Variants in YES1 observed in about 807,000 individuals in gnomAD.
YES1 encodes tyrosine-protein kinase Yes.
Under a neutral mutation model 70.4 loss-of-function variants are expected in YES1, and 39 were observed. The ratio of observed to expected loss-of-function variants is 0.55; its 90% CI spans 0.43 to 0.72. The LOEUF (loss-of-function observed/expected upper bound fraction) is 0.72. Among genes scored for constraint, YES1 ranks in the 30% least tolerant of loss-of-function variants. YES1 has a pLI of 0.00. For missense variants in YES1, 495 were observed against 644.8 expected, an observed-to-expected ratio of 0.77 and a Z score of 2.52; for synonymous variants, 198 against 218.6, an observed-to-expected ratio of 0.91 and a Z score of 0.83.
rs560024215 is a variant in YES1 at position 733,065 on chromosome 18, A to G, written c.1292-100T>C. On this transcript the variant is annotated intron_variant, in intron 10 of 11. Coordinates refer to ENST00000314574, the MANE Select transcript of YES1 (RefSeq NM_005433.4). ...AATGTTCTGTCAATATCTCTACTGT[A>G]GTCATCAGTGTCAATTCTTTAAATG... The G allele has an allele frequency of 5.6e-5, 64 of 1,146,364 alleles. No individual in the cohort carries two copies. The South Asian group carries it at 7.6e-4, about 14-fold the overall frequency. The allele number at this position is 1,146,364 out of a possible 1,614,324, so 71.0% of individuals were successfully genotyped here. A position where few individuals can be genotyped will look rare whatever the true frequency, so the allele number is the denominator to read the frequency against.
rs2080407627 is a variant in YES1 at position 756,490 on chromosome 18, C to T, written c.271+67G>A. The T allele has an allele frequency of 3.8e-6, 6 of 1,570,080 alleles. No individual in the cohort carries two copies. In the African/African-American group the frequency reaches 4.1e-5, roughly 11 times the overall value. On this transcript the variant is annotated intron_variant, in intron 2 of 11. Transcript: ENST00000314574. ...GATATCTTTCTTAAAGGCAGACAAG[C>T]CTTAAGTATATATTACCCAAGGTGA... is the stretch of plus-strand genomic sequence containing the variant.
intron 1 of YES1, among the ~76,000 whole-genome samples, chr18:804,913 C>CAAAAAAGAA (rs1907016547): frequency 1.1e-5 from 1 of 94,126 alleles, no homozygotes; most frequent in Non-Finnish European, 1.9e-5. Context: ...GACTCTGACT[C>CAAAAAAGAA]AAAAAAAAAA....
chr18:728,046 C>T (rs1039346771), intron 11 of YES1, among the ~76,000 whole-genome samples: 1 of 152,122 alleles, frequency 6.6e-6, no homozygotes, highest in African/African-American at 2.4e-5. Context: ...ACACAAAATA[C>T]ATTTATGAGC....
intron 1 of YES1, among the ~76,000 whole-genome samples, chr18:783,424 T>G (rs1014872414): frequency 6.6e-6 from 1 of 151,576 alleles, no homozygotes; most frequent in African/African-American, 2.4e-5. Context: ...GAAAAAATAA[T>G]CACATAACCT....
intron 1 of YES1, among the ~76,000 whole-genome samples, chr18:757,269 C>T (rs924683010): frequency 5.9e-5 from 9 of 152,082 alleles, no homozygotes; most frequent in Non-Finnish European, 1.0e-4. Context: ...TTTGGGAGGC[C>T]AAGGCGGGCG....
At chr18:771,575 G>A (rs572384169) in intron 1 of YES1, among the ~76,000 whole-genome samples, 1 of 152,146 alleles carries the variant, frequency 6.6e-6, no homozygotes, top group East Asian at 1.9e-4. Flanking sequence ...TTGTGATGGG[G>A]TTTCACTTTG....
At chr18:778,618 T>C (rs1198777793) in intron 1 of YES1, among the ~76,000 whole-genome samples, 1 of 152,216 alleles carries the variant, frequency 6.6e-6, no homozygotes, top group Non-Finnish European at 1.5e-5. Context: ...ATGGCTCCAA[T>C]TTACATACAA....
chr18:744,689 CTT>C (rs71174284), intron 6 of YES1, among the ~76,000 whole-genome samples: 20 of 56,868 alleles, frequency 3.5e-4, no homozygotes, highest in African/African-American at 1.1e-3. Context: ...CACGCCTGGC[CTT>C]TTTTTTTTTT....
chr18:791,495 C>G (rs886660845), intron 1 of YES1, among the ~76,000 whole-genome samples: 9 of 152,122 alleles, frequency 5.9e-5, no homozygotes, highest in Non-Finnish European at 8.8e-5. Context: ...AACTAAGGCA[C>G]ACAGAATAGG....
intron 2 of YES1, among the ~76,000 whole-genome samples, chr18:753,605 C>A (rs892429925): frequency 2.6e-5 from 4 of 152,116 alleles, no homozygotes; most frequent in Admixed American, 6.5e-5. Flanking sequence ...CCTGCCTCAG[C>A]GTCCTGAGTA....
intron 1 of YES1, among the ~76,000 whole-genome samples, chr18:798,585 C>G (rs1906659605): frequency 6.6e-6 from 1 of 152,160 alleles, no homozygotes; most frequent in African/African-American, 2.4e-5. Context: ...TTTCTACCTG[C>G]TACTACCACC....
intron 11 of YES1, among the ~76,000 whole-genome samples, chr18:725,035 T>C (rs2080001007): frequency 6.6e-6 from 1 of 152,228 alleles, no homozygotes; most frequent in African/African-American, 2.4e-5. Flanking sequence ...CAGAAGAAAG[T>C]TCTAGTCTTG....
intron 1 of YES1, among the ~76,000 whole-genome samples, chr18:809,411 T>A (rs1907259955): frequency 6.6e-6 from 1 of 152,146 alleles, no homozygotes; most frequent in African/African-American, 2.4e-5. Flanking sequence ...GCGATTCTCG[T>A]GCCTCAGCCT....
rs56260033 is a variant in YES1 at position 751,064 on chromosome 18, C to A, written c.371+641G>T. On this transcript the variant is annotated intron_variant, in intron 3 of 11. Coordinates refer to ENST00000314574, the MANE Select transcript of YES1 (RefSeq NM_005433.4). ...ATATTTTAAAAGTAGAAGGATATGA[C>A]CATATTTTATGTTCCGGAACAATAA... Among the ~76,000 whole-genome samples, 347 of 152,118 alleles carry A rather than the reference C, an allele frequency of 2.3e-3. 2 individuals carry two copies. The highest frequency in any genetic ancestry group is 7.9e-3 in the African/African-American group (328 of 41,478).
intron 1 of YES1, among the ~76,000 whole-genome samples, chr18:770,448 T>G: frequency 6.6e-6 from 1 of 152,162 alleles, no homozygotes; most frequent in Non-Finnish European, 1.5e-5. Flanking sequence ...TTTACAGTTT[T>G]ACTCCATGTA....
At chr18:774,800 C>G (rs941954068) in intron 1 of YES1, among the ~76,000 whole-genome samples, 4 of 152,162 alleles carry the variant, frequency 2.6e-5, no homozygotes, top group Non-Finnish European at 5.9e-5. Context: ...CTGCCATAAT[C>G]CACCCAAAGA....
At chr18:744,689 C>CT (rs71174284) in intron 6 of YES1, among the ~76,000 whole-genome samples, 6,827 of 56,786 alleles carry the variant, frequency 0.12, 1,914 homozygotes, top group East Asian at 0.26. Flanking sequence ...CACGCCTGGC[C>CT]TTTTTTTTTT....
At position 721,848 on chromosome 18, in the gene YES1, G is replaced by T. The variant is rs530753498; in HGVS notation, c.*2576C>A. 5.6e-4 allele frequency: 86 copies of T among 152,722 alleles called. No individual in the cohort carries two copies. Among genetic ancestry groups the T allele is most frequent in the African/African-American group, 1.8e-3 (74 of 41,564 alleles). The allele number at this position is 152,722 out of a possible 1,614,324, so 9.5% of individuals were successfully genotyped here. A position where few individuals can be genotyped will look rare whatever the true frequency, so the allele number is the denominator to read the frequency against. ...AGGCTACCATTATTCATTTAAAAAA[G>T]TGTGCTAGAAGGCTGTTTTTGCCAA... On this transcript the variant is annotated 3_prime_UTR_variant, in exon 12 of 12. Transcript: ENST00000314574.
chr18:767,008 TTA>T (rs1423783866), intron 1 of YES1, among the ~76,000 whole-genome samples: 1 of 152,198 alleles, frequency 6.6e-6, no homozygotes, highest in Non-Finnish European at 1.5e-5. Context: ...GGTTTATGTT[TTA>T]TGTGTCCGGA....
Sources: gnomAD v4.1 joint callset for allele counts (sites outside exome capture counted in the v4.1 genomes callset) on GRCh38, gnomAD v4.1.1 for gene constraint, MANE v1.5 for transcripts, NCBI Gene and HGNC (gene_info 2026-07-23, HGNC 2026-07-21) for gene names.